Variants in KCNAB1 observed in about 807,000 individuals in gnomAD.
KCNAB1 encodes the protein potassium voltage-gated channel subfamily A regulatory beta subunit 1.
In KCNAB1, 35 loss-of-function variants were observed where a neutral mutation model predicts 64.6. That is an observed-to-expected ratio of 0.54 (90% CI 0.41 to 0.72). The LOEUF (loss-of-function observed/expected upper bound fraction) is 0.72. KCNAB1 is among the 30% of genes least tolerant of loss of function. The probability of loss-of-function intolerance (pLI) is 0.00; values close to 1 mark genes in which losing one functional copy is unlikely to be tolerated. For missense variants in KCNAB1, 401 were observed against 512.9 expected (o/e 0.78, Z 2.11); for synonymous variants, 177 against 183.8 (o/e 0.96, Z 0.30).
chr3:156,386,599 C>T lies in KCNAB1; in HGVS notation c.276-35017C>T, dbSNP rs9840678. On this transcript the variant is annotated intron_variant, in intron 1 of 13. Transcript: ENST00000490337. ...ATGTGATAATTGCCAAACCATCACC[C>T]GACATTCCTACTGGGTGGGGAAAGA... 2.9e-3 allele frequency among the ~76,000 whole-genome samples: 434 copies of T among 152,260 alleles called. 4 individuals carry two copies. The highest frequency in any genetic ancestry group is 9.7e-3 in the African/African-American group (405 of 41,540).
chr3:156,368,999 AACT>A (rs376766207), intron 1 of KCNAB1, among the ~76,000 whole-genome samples: 2,121 of 152,334 alleles, frequency 0.014, 19 homozygotes, highest in South Asian at 0.031. Flanking sequence ...TTCAATGTAC[AACT>A]TGTTAGTTTT....
At chr3:156,197,795 A>T (rs537663388) in intron 1 of KCNAB1, among the ~76,000 whole-genome samples, 1 of 152,160 alleles carries the variant, frequency 6.6e-6, no homozygotes, top group African/African-American at 2.4e-5. Flanking sequence ...TATCTCCTTT[A>T]GTTCTGCTCT....
At chr3:156,203,977 G>A (rs1164833229) in intron 1 of KCNAB1, among the ~76,000 whole-genome samples, 1 of 152,104 alleles carries the variant, frequency 6.6e-6, no homozygotes, top group Non-Finnish European at 1.5e-5. Flanking sequence ...ATCATCTTTT[G>A]CTCATTGCTG....
chr3:156,460,731 T>C (rs1452993865), intron 5 of KCNAB1, among the ~76,000 whole-genome samples: 1 of 152,240 alleles, frequency 6.6e-6, no homozygotes, highest in Non-Finnish European at 1.5e-5. Flanking sequence ...ACACTTAGCA[T>C]GTATTTTCTA....
chr3:156,464,203 A>G (rs1342980078), intron 6 of KCNAB1, among the ~76,000 whole-genome samples: 2 of 152,184 alleles, frequency 1.3e-5, no homozygotes, highest in Admixed American at 6.6e-5. Context: ...AGTGCTGATC[A>G]AAAGGACCAT....
chr3:156,300,809 A>T (rs529177185), intron 1 of KCNAB1, among the ~76,000 whole-genome samples: 1 of 152,336 alleles, frequency 6.6e-6, no homozygotes, highest in East Asian at 1.9e-4. Context: ...AGAAATATGA[A>T]AAGGCCAAAT....
intron 1 of KCNAB1, among the ~76,000 whole-genome samples, chr3:156,353,246 A>ACCTTTT (rs1478482190): frequency 6.6e-6 from 1 of 152,048 alleles, no homozygotes; most frequent in Non-Finnish European, 1.5e-5. Flanking sequence ...ACTGATACCT[A>ACCTTTT]CCTTTTCCTT....
chr3:156,159,168 C>G (rs535345123), intron 1 of KCNAB1, among the ~76,000 whole-genome samples: 2 of 152,228 alleles, frequency 1.3e-5, no homozygotes, highest in East Asian at 3.9e-4. Context: ...GGCCAGTCAT[C>G]TGGAAATTGG....
intron 1 of KCNAB1, among the ~76,000 whole-genome samples, chr3:156,156,564 T>A (rs1278427830): frequency 6.6e-6 from 1 of 152,102 alleles, no homozygotes; most frequent in Non-Finnish European, 1.5e-5. Flanking sequence ...ATCAGGAGGA[T>A]TTGAAAAATA....
In KCNAB1 at chr3:156,492,927, G is replaced by A. The variant is rs905408268; in HGVS notation, c.658+18107G>A. 4.6e-5 allele frequency among the ~76,000 whole-genome samples: 7 copies of A among 152,252 alleles called. No homozygotes were observed. The South Asian group carries it at 1.4e-3, about 32-fold the overall frequency. The stretch of plus-strand genomic sequence containing the variant: ...GTTCCTTCTGCAGTGCATGGAAAGA[G>A]TTCAAGGGACTGCTGCTTTTTGTTA... On this transcript the variant is annotated intron_variant, in intron 8 of 13. Coordinates refer to ENST00000490337, the MANE Select transcript of KCNAB1 (RefSeq NM_172160.3).
intron 1 of KCNAB1, among the ~76,000 whole-genome samples, chr3:156,393,714 C>G (rs1232755352): frequency 6.6e-6 from 1 of 152,134 alleles, no homozygotes; most frequent in Non-Finnish European, 1.5e-5. Flanking sequence ...GATTAAGTGG[C>G]AAGGTATTAC....
chr3:156,353,684 G>A (rs754358519), intron 1 of KCNAB1, among the ~76,000 whole-genome samples: 1 of 152,158 alleles, frequency 6.6e-6, no homozygotes, highest in Non-Finnish European at 1.5e-5. Context: ...CTGGCTATTG[G>A]CCAGAGGCCT....
intron 1 of KCNAB1, among the ~76,000 whole-genome samples, chr3:156,419,171 C>T (rs1241726368): frequency 6.6e-6 from 1 of 152,150 alleles, no homozygotes; most frequent in Non-Finnish European, 1.5e-5. Flanking sequence ...GCTAAGTACC[C>T]AGTGATATAA....
intron 1 of KCNAB1, among the ~76,000 whole-genome samples, chr3:156,162,117 T>C (rs771855115): frequency 4.6e-5 from 7 of 152,194 alleles, no homozygotes; most frequent in Non-Finnish European, 7.3e-5. Flanking sequence ...GCCTGATTTT[T>C]AGGATTGGGC....
intron 1 of KCNAB1, among the ~76,000 whole-genome samples, chr3:156,287,832 A>G (rs534013007): frequency 1.3e-5 from 2 of 152,164 alleles, no homozygotes; most frequent in East Asian, 3.9e-4. Flanking sequence ...ACAACTTTGT[A>G]TATAGGTTGC....
intron 1 of KCNAB1, among the ~76,000 whole-genome samples, chr3:156,367,432 C>T (rs186248634): frequency 1.3e-4 from 20 of 152,052 alleles, no homozygotes; most frequent in African/African-American, 4.1e-4. Context: ...CTACCCGCCT[C>T]GGCCTCCCAA....
At chr3:156,308,528 G>A (rs1440445147) in intron 1 of KCNAB1, among the ~76,000 whole-genome samples, 1 of 152,220 alleles carries the variant, frequency 6.6e-6, no homozygotes, top group Non-Finnish European at 1.5e-5. Context: ...GATGGAAACA[G>A]TGAGAAGCTG....
At chr3:156,432,216 C>T (rs927202774) in intron 2 of KCNAB1, among the ~76,000 whole-genome samples, 1 of 152,166 alleles carries the variant, frequency 6.6e-6, no homozygotes, top group Non-Finnish European at 1.5e-5. Context: ...TAGTTGAAAA[C>T]TGAAATTCTC....
chr3:156,363,560 C>T (rs1725748229), intron 1 of KCNAB1, among the ~76,000 whole-genome samples: 2 of 151,916 alleles, frequency 1.3e-5, no homozygotes, highest in Admixed American at 1.3e-4. Context: ...ACTGCAACCT[C>T]TGCCTCCTGG....
Sources: gnomAD v4.1 joint callset for allele counts (sites outside exome capture counted in the v4.1 genomes callset) on GRCh38, gnomAD v4.1.1 for gene constraint, MANE v1.5 for transcripts, NCBI Gene and HGNC (gene_info 2026-07-23, HGNC 2026-07-21) for gene names.